The following NAV2 variants were observed in gnomAD, a reference collection of about 807,000 sequenced individuals.
The protein encoded by NAV2 is helicase, APC down-regulated 1.
A neutral mutation model predicts 223.2 loss-of-function variants in NAV2; 54 were observed. That is an observed-to-expected ratio of 0.24 (90% CI 0.19 to 0.30). NAV2 has a LOEUF of 0.30. Ranked by LOEUF, NAV2 falls within the 10% of genes least tolerant of loss-of-function variation. NAV2 has a pLI of 1.00. For missense variants in NAV2, 2,806 were observed against 3,147.5 expected (o/e 0.89, Z 2.60); for synonymous variants, 1,279 against 1,239.3 (o/e 1.03, Z -0.67).
intron 19 of NAV2, among the ~76,000 whole-genome samples, chr11:20,061,928 G>A (rs748173300): frequency 5.3e-5 from 8 of 152,198 alleles, no homozygotes; most frequent in South Asian, 2.1e-4. Context: ...AGAGTGAAGC[G>A]AAATATGCTG....
chr11:19,444,826 T>C (rs1002631969), intron 1 of NAV2, among the ~76,000 whole-genome samples: 2 of 152,066 alleles, frequency 1.3e-5, no homozygotes, highest in Non-Finnish European at 2.9e-5. Flanking sequence ...GTGTAGACTC[T>C]GGAGTTAGAA....
intron 1 of NAV2, among the ~76,000 whole-genome samples, chr11:19,791,293 G>A (rs2057497824): frequency 1.3e-5 from 2 of 152,192 alleles, no homozygotes; most frequent in South Asian, 4.1e-4. Context: ...CAAATGGCAA[G>A]AGGGCAAGGC....
intron 1 of NAV2, among the ~76,000 whole-genome samples, chr11:19,731,364 A>G (rs1004157650): frequency 2.0e-5 from 3 of 152,346 alleles, no homozygotes; most frequent in African/African-American, 7.2e-5. Context: ...TTGGGATACA[A>G]TTGCAGTTGG....
At chr11:19,364,948 A>G (rs1854179578) in intron 1 of NAV2, among the ~76,000 whole-genome samples, 1 of 152,216 alleles carries the variant, frequency 6.6e-6, no homozygotes, top group Non-Finnish European at 1.5e-5. Context: ...TCGTTCGTTC[A>G]CCTTCTGTAG....
At chr11:19,566,164 G>A (rs1291234986) in intron 1 of NAV2, among the ~76,000 whole-genome samples, 2 of 151,920 alleles carry the variant, frequency 1.3e-5, no homozygotes. Context: ...AACCTCTGGG[G>A]CTCAAGCAAT....
chr11:20,094,028 C>T (rs1030651952), intron 29 of NAV2, among the ~76,000 whole-genome samples: 11 of 152,230 alleles, frequency 7.2e-5, no homozygotes, highest in Non-Finnish European at 1.5e-4. Flanking sequence ...AAAGCGTCTG[C>T]AGCCAGACCT....
At chr11:20,075,317 G>A (rs539007276) in intron 22 of NAV2, among the ~76,000 whole-genome samples, 14 of 151,560 alleles carry the variant, frequency 9.2e-5, no homozygotes, top group South Asian at 4.2e-4. Context: ...TCCGCCTCCC[G>A]GGTTCACGCC....
At chr11:19,620,491 G>A (rs985015321) in intron 1 of NAV2, among the ~76,000 whole-genome samples, 2 of 152,080 alleles carry the variant, frequency 1.3e-5, no homozygotes, top group African/African-American at 4.8e-5. Context: ...TTGTAAGTTG[G>A]ATTCCTAGGT....
At chr11:20,040,899 G>T (rs1009293340) in intron 12 of NAV2, among the ~76,000 whole-genome samples, 2 of 152,128 alleles carry the variant, frequency 1.3e-5, no homozygotes, top group African/African-American at 4.8e-5. Flanking sequence ...TTATAGTCCG[G>T]CATGTAGCTC....
chr11:19,784,217 C>T (rs1463026672), intron 1 of NAV2, among the ~76,000 whole-genome samples: 6 of 151,352 alleles, frequency 4.0e-5, no homozygotes, highest in African/African-American at 9.7e-5. Flanking sequence ...GGAGAAACCT[C>T]GTCTCTACTA....
intron 1 of NAV2, among the ~76,000 whole-genome samples, chr11:19,732,019 T>C (rs148016024): frequency 1.3e-5 from 2 of 151,632 alleles, no homozygotes; most frequent in African/African-American, 4.8e-5. Context: ...GAGGCTGAGG[T>C]GAGTAGATCA....
At chr11:19,752,809 T>C (rs934176964) in intron 1 of NAV2, among the ~76,000 whole-genome samples, 2 of 152,116 alleles carry the variant, frequency 1.3e-5, no homozygotes, top group African/African-American at 4.8e-5. Flanking sequence ...GTTATTCTCA[T>C]GGTTATTCAC....
At chr11:19,492,672 C>T (rs1449573192) in intron 1 of NAV2, among the ~76,000 whole-genome samples, 3 of 152,182 alleles carry the variant, frequency 2.0e-5, no homozygotes, top group Non-Finnish European at 4.4e-5. Flanking sequence ...TTGACTTCCT[C>T]TGTCCTATTT....
upstream of NAV2, among the ~76,000 whole-genome samples, chr11:19,709,552 A>G (rs1196530170): frequency 6.7e-6 from 1 of 150,058 alleles, no homozygotes; most frequent in Non-Finnish European, 1.5e-5. Context: ...GTCTCAAAAA[A>G]AAAAAAAAAA....
chr11:19,713,224 C>T lies in NAV2; in HGVS notation c.-472C>T. ...TGTCTCCTTTCCTTCCTTGGCTGCT[C>T]GCTCTTTCTCTCGCCGGCTCAGACC... On this transcript the variant is annotated 5_prime_UTR_variant, in exon 1 of 38. Transcript: ENST00000349880. This position sits in a 1 kb window ranked among gnomAD's most constrained non-coding sequence, Gnocchi z 7.2. 1 of 755,072 alleles carries T rather than the reference C, an allele frequency of 1.3e-6. No individual in the cohort carries two copies. The highest frequency in any genetic ancestry group is 1.6e-6 in the Non-Finnish European group (1 of 618,676). The allele number at this position is 755,072 out of a possible 1,614,324, so 46.8% of individuals were successfully genotyped here.
At chr11:19,738,863 T>A (rs1020480445) in intron 1 of NAV2, among the ~76,000 whole-genome samples, 8 of 152,102 alleles carry the variant, frequency 5.3e-5, no homozygotes, top group African/African-American at 1.9e-4. Context: ...TGGAGCTCAG[T>A]AAATTAGCTT....
intron 1 of NAV2, among the ~76,000 whole-genome samples, chr11:19,703,415 C>A (rs2049567461): frequency 6.6e-6 from 1 of 152,150 alleles, no homozygotes; most frequent in African/African-American, 2.4e-5. Flanking sequence ...ACAGCAGTAA[C>A]CAAAAGAGGA....
chr11:19,844,904 C>T (rs1029930668), intron 3 of NAV2, among the ~76,000 whole-genome samples: 2 of 151,512 alleles, frequency 1.3e-5, no homozygotes, highest in African/African-American at 4.9e-5. Flanking sequence ...GGTAGGGAGG[C>T]AGACACAGTC....
intron 1 of NAV2, among the ~76,000 whole-genome samples, chr11:19,762,007 C>T (rs1433254385): frequency 1.3e-5 from 2 of 152,134 alleles, no homozygotes; most frequent in Admixed American, 1.3e-4. Context: ...CTTTGGGAGG[C>T]CAAGGGGGGC....
Sources: gnomAD v4.1 joint callset for allele counts (sites outside exome capture counted in the v4.1 genomes callset) on GRCh38, gnomAD v4.1.1 for gene constraint, Gnocchi (gnomAD v3.1) non-coding constraint, MANE v1.5 for transcripts, NCBI Gene and HGNC (gene_info 2026-07-23, HGNC 2026-07-21) for gene names.